NRG1: variants seen among roughly 807,000 people sequenced by gnomAD.
NRG1 encodes the protein neuregulin 1, also known as pro-neuregulin-1, membrane-bound isoform.
Under a neutral mutation model 63.8 loss-of-function variants are expected in NRG1, and 18 were observed. The observed-to-expected ratio is 0.28, with a 90% CI of 0.19 to 0.42. The LOEUF is 0.42. NRG1 is among the 10% of genes least tolerant of loss of function. The probability of loss-of-function intolerance (pLI) is 1.00; values close to 1 mark genes in which losing one functional copy is unlikely to be tolerated. For missense variants in NRG1, 762 were observed against 814.7 expected, an observed-to-expected ratio of 0.94 and a Z score of 0.79; for synonymous variants, 302 against 301.3, an observed-to-expected ratio of 1.00 and a Z score of -0.02.
At chr8:32,731,968 T>G (rs1293928467) in intron 6 of NRG1, among the ~76,000 whole-genome samples, 3 of 152,240 alleles carry the variant, frequency 2.0e-5, no homozygotes, top group Non-Finnish European at 2.9e-5. Flanking sequence ...TCACCTAATC[T>G]GCTGTTGTCT....
intron 1 of NRG1, among the ~76,000 whole-genome samples, chr8:32,511,145 C>T (rs1490950867): frequency 6.6e-6 from 1 of 150,732 alleles, no homozygotes; most frequent in Non-Finnish European, 1.5e-5. Flanking sequence ...TATTTTACCT[C>T]CTGGACCAGA....
chr8:31,942,688 G>A (rs1272864164), intron 1 of NRG1, among the ~76,000 whole-genome samples: 1 of 151,748 alleles, frequency 6.6e-6, no homozygotes, highest in East Asian at 1.9e-4. Flanking sequence ...AAGCAAATTA[G>A]CAAGATAAAG....
In NRG1 at chr8:32,416,293, ACCTT is replaced by A. The variant is rs1333451543; in HGVS notation, c.38-179527_38-179524del. Among the ~76,000 whole-genome samples the A allele has an allele frequency of 5.6e-3, 797 of 143,522 alleles. 5 individuals carry two copies. The highest frequency in any genetic ancestry group is 0.019 in the African/African-American group (731 of 38,428). The allele number at this position is 143,522 out of a possible 152,430, so 94.2% of individuals were successfully genotyped here. On this transcript the variant is annotated intron_variant, in intron 1 of 10. Transcript: ENST00000519301. ...TCCCCTTCCTTCCTTCCCCGCTTTCACCTTCCTTCCTCCCTCCCTCCCTCCCTTC... is the reference window on the plus strand; with the variant it reads ...TCCCCTTCCTTCCTTCCCCGCTTTCACCTTCCTCCCTCCCTCCCTCCCTTC...
At chr8:31,660,659 A>G (rs1363699811) in intron 1 of NRG1, among the ~76,000 whole-genome samples, 1 of 152,190 alleles carries the variant, frequency 6.6e-6, no homozygotes, top group Non-Finnish European at 1.5e-5. Flanking sequence ...ATGGAAGAGA[A>G]TTTATTTCTG....
chr8:32,405,281 A>G (rs1318977962), intron 1 of NRG1, among the ~76,000 whole-genome samples: 1 of 152,184 alleles, frequency 6.6e-6, no homozygotes, highest in African/African-American at 2.4e-5. Context: ...CTCACTCTCC[A>G]TTCAATTAAA....
chr8:32,551,933 C>T (rs1031194919), intron 1 of NRG1, among the ~76,000 whole-genome samples: 3 of 104,810 alleles, frequency 2.9e-5, no homozygotes, highest in Non-Finnish European at 5.5e-5. Flanking sequence ...TTTTTTTTGA[C>T]GGAGTCTCGC....
chr8:31,880,795 T>G (rs2683768), intron 1 of NRG1, among the ~76,000 whole-genome samples: 76,735 of 152,098 alleles, frequency 0.5, 19,968 homozygotes, highest in East Asian at 0.75. Flanking sequence ...GGGTAGCATG[T>G]CCTGATTACT....
chr8:32,148,459 C>T (rs1256041357), intron 1 of NRG1, among the ~76,000 whole-genome samples: 5 of 152,154 alleles, frequency 3.3e-5, no homozygotes, highest in Admixed American at 2.6e-4. Context: ...AGTGCAGTGG[C>T]GCGATCTCGG....
intron 1 of NRG1, among the ~76,000 whole-genome samples, chr8:31,932,074 C>A (rs775735649): frequency 2.6e-5 from 4 of 151,974 alleles, no homozygotes; most frequent in Admixed American, 6.6e-5. Flanking sequence ...AGGCTCATCT[C>A]CTTTCCCCCC....
chr8:31,763,756 C>T (rs1222244349), intron 1 of NRG1, among the ~76,000 whole-genome samples: 1 of 152,182 alleles, frequency 6.6e-6, no homozygotes, highest in Admixed American at 6.5e-5. Context: ...CGAGACCATC[C>T]TGGCTAACAC....
intron 1 of NRG1, among the ~76,000 whole-genome samples, chr8:31,802,855 G>C: frequency 6.6e-6 from 1 of 152,172 alleles, no homozygotes; most frequent in East Asian, 1.9e-4. Context: ...GGACTTTGTA[G>C]AATATCAAAG....
intron 1 of NRG1, among the ~76,000 whole-genome samples, chr8:32,096,666 G>A (rs1444648247): frequency 6.6e-6 from 1 of 152,186 alleles, no homozygotes; most frequent in Non-Finnish European, 1.5e-5. Flanking sequence ...AGATTACATG[G>A]TGAGAGAGGA....
chr8:32,499,302 C>T (rs1827582746), intron 1 of NRG1, among the ~76,000 whole-genome samples: 1 of 152,070 alleles, frequency 6.6e-6, no homozygotes, highest in African/African-American at 2.4e-5. Flanking sequence ...TCTATGAAAA[C>T]AAAAGAAAAA....
intron 1 of NRG1, among the ~76,000 whole-genome samples, chr8:32,109,162 A>G (rs1831668738): frequency 6.6e-6 from 1 of 152,162 alleles, no homozygotes; most frequent in Non-Finnish European, 1.5e-5. Context: ...TCTCTCTACT[A>G]AGTACCTTAG....
intron 1 of NRG1, among the ~76,000 whole-genome samples, chr8:32,521,016 A>G (rs905865835): frequency 4.6e-5 from 7 of 152,178 alleles, no homozygotes; most frequent in Admixed American, 2.0e-4. Context: ...TGACATCAAC[A>G]TGTTATTATT....
chr8:32,455,906 T>C (rs1404596425), intron 1 of NRG1, among the ~76,000 whole-genome samples: 1 of 152,200 alleles, frequency 6.6e-6, no homozygotes, highest in Non-Finnish European at 1.5e-5. Flanking sequence ...GCTCAGCCTC[T>C]GAGTAGCTGG....
At chr8:31,724,410 C>G (rs1379351601) in intron 1 of NRG1, among the ~76,000 whole-genome samples, 2 of 152,096 alleles carry the variant, frequency 1.3e-5, no homozygotes, top group African/African-American at 2.4e-5. Context: ...TTCTTTTCCA[C>G]TGCATTGGAG....
chr8:31,821,510 GA>G (rs1056219059), intron 1 of NRG1, among the ~76,000 whole-genome samples: 1 of 152,118 alleles, frequency 6.6e-6, no homozygotes, highest in Admixed American at 6.5e-5. Flanking sequence ...ACAGTAAAAA[GA>G]GCATCAGAAA....
chr8:32,616,356 C>T (rs148994802), intron 4 of NRG1, among the ~76,000 whole-genome samples: 5 of 151,994 alleles, frequency 3.3e-5, no homozygotes, highest in South Asian at 2.1e-4. Context: ...CTTTCTGGTC[C>T]GGATGTTTAT....
Sources: allele counts gnomAD v4.1 joint callset (sites outside exome capture counted in the v4.1 genomes callset), GRCh38; gene constraint gnomAD v4.1.1; transcripts MANE v1.5; gene names NCBI Gene and HGNC (gene_info 2026-07-23, HGNC 2026-07-21).